Variants in PARP15 observed in about 807,000 individuals in gnomAD.
The protein encoded by PARP15 is poly(ADP-ribose) polymerase family member 15, also known as protein mono-ADP-ribosyltransferase PARP15.
PARP15 carries 50 observed loss-of-function variants against 62.1 expected under a neutral mutation model. The ratio of observed to expected loss-of-function variants is 0.81; its 90% confidence interval spans 0.64 to 1.02. The LOEUF (loss-of-function observed/expected upper bound fraction) is 1.02, where lower values mean the gene tolerates loss of function less well. Among genes scored for constraint, PARP15 ranks in the 50% least tolerant of loss-of-function variants. The probability of loss-of-function intolerance (pLI) is 0.00; values close to 1 mark genes in which losing one functional copy is unlikely to be tolerated. For synonymous variants in PARP15, 309 were observed against 293.1 expected (o/e 1.05, Z -0.55); for missense variants, 820 against 826.5 (o/e 0.99, Z 0.10).
At chr3:122,612,161 TCCTCCTA>T (rs1935615482) in intron 3 of PARP15, among the ~76,000 whole-genome samples, 1 of 151,872 alleles carries the variant, frequency 6.6e-6, no homozygotes, top group African/African-American at 2.4e-5. Flanking sequence ...GCTCAGGTGA[TCCTCCTA>T]CCTCAGCCTC....
At chr3:122,624,545 G>A (rs1576539745) in intron 8 of PARP15, among the ~76,000 whole-genome samples, 1 of 152,184 alleles carries the variant, frequency 6.6e-6, no homozygotes, top group Non-Finnish European at 1.5e-5. Context: ...GACTTCACTT[G>A]CACAGGCTTT....
chr3:122,628,715 T>G (rs1276926800), intron 9 of PARP15, among the ~76,000 whole-genome samples: 1 of 152,210 alleles, frequency 6.6e-6, no homozygotes, highest in Non-Finnish European at 1.5e-5. Flanking sequence ...GGGTTGTCAG[T>G]GCTGTGAAAG....
intron 1 of PARP15, among the ~76,000 whole-genome samples, chr3:122,583,286 G>GTT (rs34906406): frequency 7.0e-6 from 1 of 143,862 alleles, no homozygotes. Context: ...TGCCTGGCTA[G>GTT]TTTTTTTTTT....
intron 5 of PARP15, 35 bp from the exon 6 acceptor site, chr3:122,616,980 C>A (rs1936015282): frequency 6.2e-7 from 1 of 1,604,618 alleles, no homozygotes; most frequent in South Asian, 1.1e-5. Flanking sequence ...AGAAGCTGAG[C>A]CAGCCCATTC....
chr3:122,614,206 A>G (rs1223536075), intron 4 of PARP15, among the ~76,000 whole-genome samples: 5 of 152,180 alleles, frequency 3.3e-5, no homozygotes, highest in Non-Finnish European at 7.3e-5. Flanking sequence ...TCTAACTATT[A>G]AAACGGGTGT....
chr3:122,635,501 T>A (rs1937306530), intron 11 of PARP15, among the ~76,000 whole-genome samples: 1 of 151,998 alleles, frequency 6.6e-6, no homozygotes, highest in South Asian at 2.1e-4. Context: ...CTTGATCTCT[T>A]GAGCTCAAAT....
intron 1 of PARP15, among the ~76,000 whole-genome samples, chr3:122,599,670 C>T (rs1253525854): frequency 6.6e-6 from 1 of 152,154 alleles, no homozygotes; most frequent in African/African-American, 2.4e-5. Flanking sequence ...AAATCCAGAG[C>T]TCTAGTAATC....
intron 2 of PARP15, among the ~76,000 whole-genome samples, chr3:122,609,015 A>G (rs1247107197): frequency 6.6e-6 from 1 of 152,084 alleles, no homozygotes; most frequent in Non-Finnish European, 1.5e-5. Context: ...TCATCCTCCC[A>G]AAATGCTGGA....
At chr3:122,634,679 G>A (rs1270741394) in intron 10 of PARP15, among the ~76,000 whole-genome samples, 1 of 152,220 alleles carries the variant, frequency 6.6e-6, no homozygotes, top group African/African-American at 2.4e-5. Context: ...ACAAATTTTT[G>A]AGTAGGTGTT....
chr3:122,611,591 A>G (rs1346209143), intron 3 of PARP15, among the ~76,000 whole-genome samples: 2 of 152,176 alleles, frequency 1.3e-5, no homozygotes, highest in Admixed American at 1.3e-4. Flanking sequence ...CACCCGCCTC[A>G]GCCTCCCAAA....
At chr3:122,602,528 T>C (rs1934878083) in intron 1 of PARP15, among the ~76,000 whole-genome samples, 1 of 152,202 alleles carries the variant, frequency 6.6e-6, no homozygotes, top group African/African-American at 2.4e-5. Context: ...AATAAATCAC[T>C]TGCATATGAA....
At position 122,621,602 on chromosome 3, in the gene PARP15, A is replaced by G. The variant is rs775256166; in HGVS notation, c.1222A>G (p.Ile408Val). 6.3e-7 allele frequency: 1 copy of G among 1,593,038 alleles called. No individual in the cohort carries two copies. The highest frequency in any genetic ancestry group is 8.5e-7 in the Non-Finnish European group (1 of 1,173,126). ...RKYTSVSLPA[I>V]GTGNAGKNPI... Reference sequence around the variant, plus strand: ...GTACACATCGGTTTCCCTTCCAGCCATTGGAACAGGTTTGCAGCTTATCAT... The same window carrying G: ...GTACACATCGGTTTCCCTTCCAGCCGTTGGAACAGGTTTGCAGCTTATCAT... Residue 408 changes from isoleucine to valine, a missense_variant, in exon 8 of 12, where the codon ATT (isoleucine) becomes GTT (valine). Ile to Val is a conservative substitution (Grantham distance 29, BLOSUM62 3). Coordinates refer to ENST00000464300, the MANE Select transcript of PARP15 (RefSeq NM_001113523.3).
chr3:122,621,363 C>T, intron 7 of PARP15, 81 bp from the exon 8 acceptor site: 1 of 1,440,432 alleles, frequency 6.9e-7, no homozygotes, highest in Non-Finnish European at 9.4e-7. Context: ...CGGATGTCAG[C>T]TGTTTTCATT....
intron 10 of PARP15, among the ~76,000 whole-genome samples, chr3:122,633,976 C>T (rs1279212842): frequency 1.3e-5 from 2 of 152,176 alleles, no homozygotes; most frequent in Non-Finnish European, 2.9e-5. Flanking sequence ...TCCTGGAATC[C>T]TTCATTGCTT....
At chr3:122,626,308 C>T (rs1020843370) in intron 8 of PARP15, among the ~76,000 whole-genome samples, 5 of 151,018 alleles carry the variant, frequency 3.3e-5, no homozygotes, top group African/African-American at 7.3e-5. Context: ...ACGCCATTCT[C>T]CTGCCTCAGC....
intron 6 of PARP15, among the ~76,000 whole-genome samples, chr3:122,619,336 A>G (rs41354150): frequency 0.033 from 5,030 of 152,320 alleles, 302 homozygotes; most frequent in African/African-American, 0.11. Flanking sequence ...TTTGACTGGA[A>G]GATTCACTGG....
At chr3:122,630,427 G>A (rs1937000068) in intron 9 of PARP15, among the ~76,000 whole-genome samples, 2 of 152,172 alleles carry the variant, frequency 1.3e-5, no homozygotes, top group African/African-American at 2.4e-5. Flanking sequence ...GCTCATGCCT[G>A]TAATCCCAGC....
chr3:122,599,322 G>A (rs529824184), intron 1 of PARP15, among the ~76,000 whole-genome samples: 1 of 151,516 alleles, frequency 6.6e-6, no homozygotes, highest in South Asian at 2.1e-4. Context: ...AGTGAGCCAT[G>A]ATATTGTGCC....
chr3:122,629,859 A>G (rs1049470906), intron 9 of PARP15, among the ~76,000 whole-genome samples: 1 of 152,160 alleles, frequency 6.6e-6, no homozygotes, highest in South Asian at 2.1e-4. Context: ...TTGAGCTCCT[A>G]TGAGAATCTA....
Sources: allele counts gnomAD v4.1 joint callset (sites outside exome capture counted in the v4.1 genomes callset), GRCh38; gene constraint gnomAD v4.1.1; transcripts MANE v1.5; gene names NCBI Gene and HGNC (gene_info 2026-07-23, HGNC 2026-07-21).